COL6A5: variants seen among roughly 807,000 people sequenced by gnomAD.
COL6A5 encodes collagen type VI alpha 5 chain, also known as collagen alpha-5(VI) chain.
In COL6A5, 48 loss-of-function variants were observed where a neutral mutation model predicts 65.6. That is an observed-to-expected ratio of 0.73 (90% CI 0.58 to 0.93). The LOEUF (loss-of-function observed/expected upper bound fraction) is 0.93, where lower values mean the gene tolerates loss of function less well. Among genes scored for constraint, COL6A5 ranks in the 40% least tolerant of loss-of-function variants. COL6A5 has a pLI of 0.00. For synonymous variants in COL6A5, 291 were observed against 322.8 expected, an observed-to-expected ratio of 0.90 and a Z score of 1.05; for missense variants, 914 against 928.3, an observed-to-expected ratio of 0.98 and a Z score of 0.20.
chr3:130,413,492 G>A, intron 20 of COL6A5, 53 bp from the exon 21 acceptor site: 1 of 1,503,600 alleles, frequency 6.7e-7, no homozygotes, highest in Non-Finnish European at 9.1e-7. Flanking sequence ...TTGCCTCAAG[G>A]AACCCCTCCA....
At chr3:130,395,684 G>A (rs1203324931) in intron 8 of COL6A5, among the ~76,000 whole-genome samples, 1 of 152,200 alleles carries the variant, frequency 6.6e-6, no homozygotes, top group African/African-American at 2.4e-5. Flanking sequence ...AGGCTAGAGG[G>A]GACCCCTGGG....
rs1936684483 is a variant in COL6A5 at position 130,398,203 on chromosome 3, T to C, written c.3991+92T>C. The C allele has an allele frequency of 4.8e-6, 4 of 824,770 alleles. No individual in the cohort carries two copies. The East Asian group carries it at 8.2e-5, about 17-fold the overall frequency. The allele number at this position is 824,770 out of a possible 1,614,324, so 51.1% of individuals were successfully genotyped here. The stretch of plus-strand genomic sequence containing the variant: ...TGGAGTGCAGTGGCACGATCTCAGC[T>C]CACTGCAAGCTCCACCTTCTGGGTT... On this transcript the variant is annotated intron_variant and NMD_transcript_variant, in intron 10 of 41. Transcript: ENST00000312481.
chr3:130,410,653 C>T lies in COL6A5; in HGVS notation c.4662+129C>T, dbSNP rs976692053. The T allele has an allele frequency of 1.1e-5, 8 of 744,784 alleles. No homozygotes were observed. The East Asian group carries it at 1.4e-4, about 13-fold the overall frequency. The allele number at this position is 744,784 out of a possible 1,614,324, so 46.1% of individuals were successfully genotyped here. A position where few individuals can be genotyped will look rare whatever the true frequency, so the allele number is the denominator to read the frequency against. ...ATTTTTCAGGGCTTCTCCATCTTGA[C>T]ACTACTGAAATTTGGGGCCAATAAT... On this transcript the variant is annotated intron_variant and NMD_transcript_variant, in intron 20 of 41. Transcript: ENST00000312481.
At chr3:130,440,451 A>G (rs1254637692) in exon 3 of COL6A5, 1 of 1,613,588 alleles carries the variant, frequency 6.2e-7, no homozygotes, top group East Asian at 2.2e-5. Flanking sequence ...TATGACAACC[A>G]ACTCCTAATG....
chr3:130,393,662 T>TG (rs1936485344), intron 7 of COL6A5, among the ~76,000 whole-genome samples: 1 of 152,096 alleles, frequency 6.6e-6, no homozygotes, highest in Non-Finnish European at 1.5e-5. Flanking sequence ...GTAAAATAAA[T>TG]GGGGAAAGCA....
At position 130,406,179 on chromosome 3, in the gene COL6A5, A is replaced by C; in HGVS notation, c.4425+4A>C. On this transcript the variant is annotated splice_donor_region_variant and intron_variant and NMD_transcript_variant, in intron 16 of 41. Transcript: ENST00000312481. ...TGATGGACTTGATGGGGAAGAGGTA[A>C]GCCATATTTCTTCAAGTATCATAAA... 6.4e-7 allele frequency: 1 copy of C among 1,550,528 alleles called. No homozygotes were observed. Among genetic ancestry groups the C allele is most frequent in the Non-Finnish European group, 8.7e-7 (1 of 1,145,908 alleles).
chr3:130,401,827 TG>T (rs780353542), exon 12 of COL6A5: 2 of 1,551,508 alleles, frequency 1.3e-6, no homozygotes, highest in South Asian at 2.4e-5. Context: ...CAGGACCTCA[TG>T]GGACCCGAGG....
rs907311781 is a variant in COL6A5, at chr3:130,373,853, T to A, written c.67+148T>A. The A allele has an allele frequency of 5.2e-5, 32 of 610,224 alleles. 1 individual carries two copies. Among genetic ancestry groups the A allele is most frequent in the East Asian group, 2.3e-4 (8 of 34,520 alleles). 37.8% of individuals were successfully genotyped at this position (610,224 alleles called of 1,614,324 possible). A position where few individuals can be genotyped will look rare whatever the true frequency, so the allele number is the denominator to read the frequency against. Reference sequence around the variant, plus strand: ...TATACAACATCAAACAAACTTAACTTGTGAAAGACAGCACAAAGCCATGAG... The same window carrying A: ...TATACAACATCAAACAAACTTAACTAGTGAAAGACAGCACAAAGCCATGAG... On this transcript the variant is annotated intron_variant and NMD_transcript_variant, in intron 2 of 41. Coordinates refer to the COL6A5 transcript ENST00000312481.
intron 5 of COL6A5, among the ~76,000 whole-genome samples, chr3:130,460,005 T>C (rs1300309677): frequency 1.3e-5 from 2 of 152,092 alleles, no homozygotes; most frequent in African/African-American, 4.8e-5. Context: ...TATTTGACCA[T>C]TTACTTTTTT....
chr3:130,391,638 A>G, exon 7 of COL6A5: 2 of 1,551,650 alleles, frequency 1.3e-6, no homozygotes, highest in Non-Finnish European at 1.7e-6. Context: ...GCCAACCAAA[A>G]GGAACTTGAG....
At chr3:130,368,999 A>T (rs10804598) in intron 1 of COL6A5, among the ~76,000 whole-genome samples, 1 of 152,048 alleles carries the variant, frequency 6.6e-6, no homozygotes, top group African/African-American at 2.4e-5. Flanking sequence ...TTTGCAGCCT[A>T]CGGCCCTTAT....
chr3:130,399,610 A>G (rs993588501), intron 10 of COL6A5, among the ~76,000 whole-genome samples: 1 of 151,666 alleles, frequency 6.6e-6, no homozygotes, highest in Non-Finnish European at 1.5e-5. Context: ...TGACCTCATG[A>G]TCCGCCCACC....
chr3:130,391,075 A>C, intron 6 of COL6A5, 104 bp from the exon 7 acceptor site: 1 of 711,356 alleles, frequency 1.4e-6, no homozygotes, highest in Non-Finnish European at 2.3e-6. Context: ...ATAGTGTCTG[A>C]CACATAGTAG....
At position 130,355,149 on chromosome 3, in the gene COL6A5, G is replaced by A. The variant is rs78910553; in HGVS notation, c.-29+9168G>A. 9.9e-3 allele frequency among the ~76,000 whole-genome samples: 1,507 copies of A among 151,882 alleles called. 16 individuals carry two copies. The highest frequency in any genetic ancestry group is 0.08 in the South Asian group (386 of 4,808). On this transcript the variant is annotated intron_variant and NMD_transcript_variant, in intron 1 of 41. Transcript: ENST00000312481. Reference sequence around the variant, plus strand: ...CAATAGTGCTGATGTGGGTTGCTTTGTATGGCAAAAAGAAGAATCAAAATT... The same window carrying A: ...CAATAGTGCTGATGTGGGTTGCTTTATATGGCAAAAAGAAGAATCAAAATT...
chr3:130,378,546 T>C (rs536135339), intron 3 of COL6A5, among the ~76,000 whole-genome samples: 5 of 152,154 alleles, frequency 3.3e-5, no homozygotes, highest in Non-Finnish European at 7.4e-5. Flanking sequence ...ACTGGAGTGG[T>C]ATTTAAAATA....
chr3:130,381,514 C>G (rs1319988914), intron 4 of COL6A5, among the ~76,000 whole-genome samples: 2 of 152,006 alleles, frequency 1.3e-5, no homozygotes, highest in Non-Finnish European at 2.9e-5. Context: ...TAAATCCTGT[C>G]TATTTTTTTC....
chr3:130,409,782 C>T (rs1937113653), intron 18 of COL6A5, among the ~76,000 whole-genome samples: 1 of 152,146 alleles, frequency 6.6e-6, no homozygotes, highest in Non-Finnish European at 1.5e-5. Flanking sequence ...GGAAAATCAC[C>T]ATGTAGCAGG....
Position 130,391,798 on chromosome 3 carries a change from G to A in COL6A5, c.2992+44G>A. 5 of 1,413,282 alleles carry A rather than the reference G, an allele frequency of 3.5e-6. No individual in the cohort carries two copies. The South Asian group carries it at 7.1e-5, about 20-fold the overall frequency. The allele number at this position is 1,413,282 out of a possible 1,614,324, so 87.5% of individuals were successfully genotyped here. A position where few individuals can be genotyped will look rare whatever the true frequency, so the allele number is the denominator to read the frequency against. On this transcript the variant is annotated intron_variant and NMD_transcript_variant, in intron 7 of 41. Transcript: ENST00000312481. The stretch of plus-strand genomic sequence containing the variant: ...AGTTTCTATGGGGGTAGCAATAAAA[G>A]TTTAAACAAAAAGTAAATCATAAGT...
At chr3:130,451,832 G>A (rs1175447062) in intron 4 of COL6A5, among the ~76,000 whole-genome samples, 17 of 152,174 alleles carry the variant, frequency 1.1e-4, no homozygotes, top group African/African-American at 2.4e-4. Context: ...GTGGAGGATC[G>A]TCAGATTCAG....
Sources: gnomAD v4.1 joint callset for allele counts (sites outside exome capture counted in the v4.1 genomes callset) on GRCh38, gnomAD v4.1.1 for gene constraint, MANE v1.5 for transcripts, NCBI Gene and HGNC (gene_info 2026-07-23, HGNC 2026-07-21) for gene names.